SBSPON: variants seen among roughly 807,000 people sequenced by gnomAD.
The protein encoded by SBSPON is somatomedin B and thrombospondin type 1 domain containing, also known as somatomedin-B and thrombospondin type-1 domain-containing protein.
In SBSPON, 30 loss-of-function variants were observed where a neutral mutation model predicts 35.8. That is an observed-to-expected ratio of 0.84 (90% confidence interval 0.63 to 1.14). The LOEUF (loss-of-function observed/expected upper bound fraction) is 1.14, where lower values mean the gene tolerates loss of function less well. Among genes scored for constraint, SBSPON ranks in the 50% most tolerant of loss-of-function variants. The pLI is 0.00. For synonymous variants in SBSPON, 136 were observed against 135.9 expected, an observed-to-expected ratio of 1.00 and a Z score of 0.00; for missense variants, 364 against 357.7, an observed-to-expected ratio of 1.02 and a Z score of -0.14.
rs556716663 is a variant in SBSPON, at chr8:73,079,004, A to T, written c.409+2015T>A. Among the ~76,000 whole-genome samples, 14 of 152,302 alleles carry T rather than the reference A, an allele frequency of 9.2e-5. No individual in the cohort carries two copies. In the South Asian group the frequency reaches 2.5e-3, roughly 27 times the overall value. On this transcript the variant is annotated intron_variant, in intron 2 of 4. Transcript: ENST00000297354. Reference sequence around the variant, plus strand: ...GGCCTTGTGCTCCCCCATGTTACATAAAAGAGCCAAAGATGCTTATTCCTC... The same window carrying T: ...GGCCTTGTGCTCCCCCATGTTACATTAAAGAGCCAAAGATGCTTATTCCTC...
intron 1 of SBSPON, chr8:73,085,606 T>C (rs1238445102): frequency 6.6e-6 from 1 of 151,834 alleles, no homozygotes; most frequent in African/African-American, 2.4e-5. Flanking sequence ...CCACTGGACT[T>C]TCTCCAGGTC....
rs1027608524 is a variant in SBSPON, at chr8:73,065,941, A to C, written c.*1400T>G. Reference sequence around the variant, plus strand: ...TTATTATTAATTTCTGAAGAATTTAATTTTCCACAAAAACAACTTTGACAA... The same window carrying C: ...TTATTATTAATTTCTGAAGAATTTACTTTTCCACAAAAACAACTTTGACAA... On this transcript the variant is annotated 3_prime_UTR_variant, in exon 5 of 5. Transcript: ENST00000297354. 4 of 152,114 alleles carry C rather than the reference A, an allele frequency of 2.6e-5. No individual in the cohort carries two copies. The highest frequency in any genetic ancestry group is 5.9e-5 in the Non-Finnish European group (4 of 68,026). The allele number at this position is 152,114 out of a possible 1,614,324, so 9.4% of individuals were successfully genotyped here. A position where few individuals can be genotyped will look rare whatever the true frequency, so the allele number is the denominator to read the frequency against.
At chr8:73,085,590 G>A (rs1271036657) in intron 1 of SBSPON, 1 of 152,090 alleles carries the variant, frequency 6.6e-6, no homozygotes, top group East Asian at 1.9e-4. Flanking sequence ...TCTCATCTCG[G>A]AGTTACCACT....
chr8:73,082,462 A>G (rs1404336019), intron 1 of SBSPON, among the ~76,000 whole-genome samples: 1 of 152,144 alleles, frequency 6.6e-6, no homozygotes, highest in Non-Finnish European at 1.5e-5. Flanking sequence ...AGGACATGTG[A>G]TTTGCCAGTG....
In SBSPON at chr8:73,070,660, G is replaced by T. The variant is rs530967987; in HGVS notation, c.501-679C>A. ...GCTGCGGAAAACTCTAACATTATAT[G>T]TGACTGGACACTGAAAGCCCAGGGG... On this transcript the variant is annotated intron_variant, in intron 3 of 4. Transcript: ENST00000297354. Among the ~76,000 whole-genome samples the T allele has an allele frequency of 8.5e-5, 13 of 152,312 alleles. 1 individual carries two copies. The South Asian group carries it at 2.3e-3, about 27-fold the overall frequency.
At chr8:73,087,207 G>T (rs574838698) in intron 1 of SBSPON, among the ~76,000 whole-genome samples, 2 of 152,282 alleles carry the variant, frequency 1.3e-5, no homozygotes, top group Admixed American at 6.5e-5. Context: ...ATGTTTTGAC[G>T]TATGGCCTCT....
chr8:73,067,775 C>T (rs1810420876), intron 4 of SBSPON, among the ~76,000 whole-genome samples: 1 of 145,628 alleles, frequency 6.9e-6, no homozygotes, highest in African/African-American at 2.6e-5. Context: ...CTCCTGGGTG[C>T]AAGGGATCCT....
chr8:73,092,481 A>G (rs1032582467), intron 1 of SBSPON, among the ~76,000 whole-genome samples: 3 of 152,206 alleles, frequency 2.0e-5, no homozygotes, highest in African/African-American at 7.2e-5. Flanking sequence ...AGCCTGGCCC[A>G]GGGGCATGCC....
chr8:73,071,764 A>AAC lies in SBSPON; in HGVS notation c.500+15_500+16insGT. On this transcript the variant is annotated intron_variant, in intron 3 of 4. Coordinates refer to ENST00000297354, the MANE Select transcript of SBSPON (RefSeq NM_153225.4). ...TTGAAAAACATGATTAAAAAAAAAA[A>AAC]AAAACACGAAATTACCCAGCATCCT... is the stretch of plus-strand genomic sequence containing the variant. 1 of 1,539,228 alleles carries AAC rather than the reference A, an allele frequency of 6.5e-7. No homozygotes were observed.
At chr8:73,088,406 G>A (rs1049795514) in intron 1 of SBSPON, among the ~76,000 whole-genome samples, 1 of 152,314 alleles carries the variant, frequency 6.6e-6, no homozygotes, top group East Asian at 1.9e-4. Context: ...AAGAGGGCCA[G>A]GCACCCTGGC....
chr8:73,066,755 A>G lies in SBSPON; in HGVS notation c.*586T>C, dbSNP rs1586086741. 6.6e-6 allele frequency: 1 copy of G among 152,238 alleles called. No individual in the cohort carries two copies. The highest frequency in any genetic ancestry group is 1.5e-5 in the Non-Finnish European group (1 of 68,046). The allele number at this position is 152,238 out of a possible 1,614,324, so 9.4% of individuals were successfully genotyped here. A position where few individuals can be genotyped will look rare whatever the true frequency, so the allele number is the denominator to read the frequency against. On this transcript the variant is annotated 3_prime_UTR_variant, in exon 5 of 5. Transcript: ENST00000297354. Reference sequence around the variant, plus strand: ...AAAAAAAAAATTTCTTCTTCAAAAAATGTTTTTAGTATAACTTGGTTTTTC... The same window carrying G: ...AAAAAAAAAATTTCTTCTTCAAAAAGTGTTTTTAGTATAACTTGGTTTTTC...
chr8:73,079,657 C>T (rs72655854), intron 2 of SBSPON, among the ~76,000 whole-genome samples: 3,825 of 152,234 alleles, frequency 0.025, 61 homozygotes, highest in Middle Eastern at 0.058. Flanking sequence ...TCCTTCTCCC[C>T]CAAGACCGAG....
intron 1 of SBSPON, among the ~76,000 whole-genome samples, chr8:73,087,759 A>G (rs759492891): frequency 3.9e-5 from 6 of 152,162 alleles, no homozygotes; most frequent in East Asian, 1.9e-4. Context: ...AGGCTATTCA[A>G]TGTTTGTCCT....
chr8:73,074,066 T>C (rs1810546777), intron 2 of SBSPON, among the ~76,000 whole-genome samples: 1 of 152,242 alleles, frequency 6.6e-6, no homozygotes, highest in South Asian at 2.1e-4. Context: ...AATTCTCCCA[T>C]ACATTTTCAT....
intron 1 of SBSPON, among the ~76,000 whole-genome samples, chr8:73,087,424 T>A (rs9650245): frequency 0.14 from 21,463 of 152,180 alleles, 1,668 homozygotes; most frequent in Middle Eastern, 0.2. Context: ...AAATGTGAAG[T>A]GTTAACAACT....
intron 2 of SBSPON, among the ~76,000 whole-genome samples, chr8:73,076,806 C>T (rs759034015): frequency 1.2e-4 from 19 of 152,104 alleles, no homozygotes; most frequent in Non-Finnish European, 2.4e-4. Context: ...CCTAGAGCCT[C>T]CAGAAAGGCC....
chr8:73,081,429 A>G (rs944512315), intron 1 of SBSPON, among the ~76,000 whole-genome samples: 1 of 152,060 alleles, frequency 6.6e-6, no homozygotes, highest in Non-Finnish European at 1.5e-5. Flanking sequence ...TACCCCTTAG[A>G]AGTAGCTGGA....
At chr8:73,075,680 T>G in intron 2 of SBSPON, 19 of 344,934 alleles carry the variant, frequency 5.5e-5, no homozygotes, top group Non-Finnish European at 7.8e-5. Context: ...AAATTTGCTT[T>G]GAGAATTTCA....
Position 73,067,451 on chromosome 8 carries a change from T to G in SBSPON, c.685A>C (p.Thr229Pro). 6.3e-7 allele frequency: 1 copy of G among 1,589,724 alleles called. No homozygotes were observed. Among genetic ancestry groups the G allele is most frequent in the Non-Finnish European group, 8.6e-7 (1 of 1,159,124 alleles). ...GDGLDSDGNQ[T>P]LHWQAIGNPR... ...TTACCAATTGCTTGCCAATGGAGAGTCTGATTTCTGAAACGATATTTCGAA... is the reference window on the plus strand; with the variant it reads ...TTACCAATTGCTTGCCAATGGAGAGGCTGATTTCTGAAACGATATTTCGAA... The change falls in exon 5 of 5, where the codon ACT (threonine) becomes CCT (proline). Residue 229 changes from threonine (T) to proline (P), a missense_variant. By Grantham distance (38) the Thr-to-Pro change is conservative (BLOSUM62 -1). Transcript: ENST00000297354.
Sources: allele counts gnomAD v4.1 joint callset (sites outside exome capture counted in the v4.1 genomes callset), GRCh38; gene constraint gnomAD v4.1.1; transcripts MANE v1.5; gene names NCBI Gene and HGNC (gene_info 2026-07-23, HGNC 2026-07-21).